The following C3orf70 variants were observed in gnomAD, a reference collection of about 807,000 sequenced individuals.
C3orf70 encodes the protein chromosome 3 open reading frame 70, also known as UPF0524 protein C3orf70.
Under a neutral mutation model 20.7 loss-of-function variants are expected in C3orf70, and 15 were observed. The observed-to-expected ratio is 0.72, with a 90% CI of 0.48 to 1.11. C3orf70 has a LOEUF of 1.11. Ranked by LOEUF, C3orf70 falls within the 50% of genes most tolerant of loss-of-function variation. C3orf70 has a pLI of 0.00. For missense variants in C3orf70, 332 were observed against 317.6 expected, an observed-to-expected ratio of 1.05 and a Z score of -0.34; for synonymous variants, 161 against 125.7, an observed-to-expected ratio of 1.28 and a Z score of -1.88.
intron 1 of C3orf70, among the ~76,000 whole-genome samples, chr3:185,130,464 T>C (rs1442370425): frequency 1.3e-5 from 2 of 152,204 alleles, no homozygotes; most frequent in East Asian, 1.9e-4. Context: ...TTTTTATTAG[T>C]ATGACCCACA....
chr3:185,118,920 T>A (rs1432809586), intron 1 of C3orf70, among the ~76,000 whole-genome samples: 1 of 152,198 alleles, frequency 6.6e-6, no homozygotes, highest in Non-Finnish European at 1.5e-5. Flanking sequence ...AAACTCCCCC[T>A]GCAAATTACT....
intron 1 of C3orf70, among the ~76,000 whole-genome samples, chr3:185,103,563 T>C (rs1033795572): frequency 1.3e-4 from 20 of 151,562 alleles, no homozygotes; most frequent in Non-Finnish European, 2.6e-4. Context: ...AAAGAAGTCA[T>C]ACACGCAGCC....
rs1040490073 is a variant in C3orf70 at position 185,152,841 on chromosome 3, G to A, written c.-18C>T. 8.6e-6 allele frequency: 13 copies of A among 1,513,808 alleles called. No homozygotes were observed. Among genetic ancestry groups the A allele is most frequent in the Middle Eastern group, 1.9e-4 (1 of 5,284 alleles). 93.8% of individuals were successfully genotyped at this position (1,513,808 alleles called of 1,614,324 possible). A position where few individuals can be genotyped will look rare whatever the true frequency, so the allele number is the denominator to read the frequency against. ...GCACTCATTTCCTCTCCCTCCGCGC[G>A]GAGCCGACACCGGGAGCCCGGGAGA... On this transcript the variant is annotated 5_prime_UTR_variant, in exon 1 of 2. Transcript: ENST00000335012.
Position 185,083,016 on chromosome 3 carries a change from C to G in C3orf70, c.744G>C (p.Thr248=), listed in dbSNP as rs542880085. Residue 248 remains threonine (T), a synonymous_variant, in exon 2 of 2, where the codon ACG becomes ACC. Coordinates refer to ENST00000335012, the MANE Select transcript of C3orf70 (RefSeq NM_001025266.3). The part of the protein sequence containing the change: ...SDLEVIETIE[T]TV ...CTTCCTGTCTGGACTCTCACACAGT[C>G]GTTTCTATCGTTTCAATCACTTCCA... The G allele has an allele frequency of 1.2e-6, 2 of 1,613,168 alleles. No individual in the cohort carries two copies. The highest frequency in any genetic ancestry group is 1.7e-6 in the Non-Finnish European group (2 of 1,179,530).
chr3:185,096,778 C>G (rs916121605), intron 1 of C3orf70, among the ~76,000 whole-genome samples: 2 of 152,178 alleles, frequency 1.3e-5, no homozygotes, highest in African/African-American at 4.8e-5. Flanking sequence ...AACCAATATT[C>G]TGAAGACCTC....
rs957769431 is a variant in C3orf70, at chr3:185,078,540, G to A, written c.*4467C>T. On this transcript the variant is annotated 3_prime_UTR_variant, in exon 2 of 2. Coordinates refer to ENST00000335012, the MANE Select transcript of C3orf70 (RefSeq NM_001025266.3). ...TGATGTGAGAGACACTGATATCCGG[G>A]AACTTACAGCACTGACCACGTGTGT... 2 of 152,130 alleles carry A rather than the reference G, an allele frequency of 1.3e-5. No homozygotes were observed. The highest frequency in any genetic ancestry group is 2.4e-5 in the African/African-American group (1 of 41,402). The allele number at this position is 152,130 out of a possible 1,614,324, so 9.4% of individuals were successfully genotyped here. A position where few individuals can be genotyped will look rare whatever the true frequency, so the allele number is the denominator to read the frequency against.
Position 185,081,787 on chromosome 3 carries a change from A to G in C3orf70, c.*1220T>C, listed in dbSNP as rs1057336981. ...GGAAAGTGAATGGCTATTACACTGG[A>G]TATTTTCTCCTGACTTAGCAGCAAA... On this transcript the variant is annotated 3_prime_UTR_variant, in exon 2 of 2. Coordinates refer to ENST00000335012, the MANE Select transcript of C3orf70 (RefSeq NM_001025266.3). 1 of 152,666 alleles carries G rather than the reference A, an allele frequency of 6.6e-6. No individual in the cohort carries two copies. The highest frequency in any genetic ancestry group is 1.5e-5 in the Non-Finnish European group (1 of 68,040). 9.5% of individuals were successfully genotyped at this position (152,666 alleles called of 1,614,324 possible).
chr3:185,151,076 A>G (rs6444033), intron 1 of C3orf70, among the ~76,000 whole-genome samples: 150,537 of 152,334 alleles, frequency 0.99, 74,389 homozygotes, highest in East Asian at 1. Context: ...AAAAGGATTC[A>G]ATTGTTCTAT....
intron 1 of C3orf70, among the ~76,000 whole-genome samples, chr3:185,086,366 C>A (rs1407406946): frequency 5.9e-5 from 9 of 152,140 alleles, no homozygotes; most frequent in African/African-American, 1.9e-4. Context: ...AAACCCTAAT[C>A]CCCAGTGTGA....
At chr3:185,145,804 A>G (rs1034971169) in intron 1 of C3orf70, among the ~76,000 whole-genome samples, 1 of 152,234 alleles carries the variant, frequency 6.6e-6, no homozygotes, top group Non-Finnish European at 1.5e-5. Flanking sequence ...AAATGAGCAA[A>G]CACATACGAA....
At chr3:185,146,477 G>A (rs1189594490) in intron 1 of C3orf70, among the ~76,000 whole-genome samples, 3 of 151,660 alleles carry the variant, frequency 2.0e-5, no homozygotes, top group African/African-American at 4.8e-5. Flanking sequence ...TAGTAGAGAC[G>A]GGGTTTCTCC....
chr3:185,077,714 A>G lies in C3orf70; in HGVS notation c.*5293T>C, dbSNP rs1715225484. On this transcript the variant is annotated 3_prime_UTR_variant, in exon 2 of 2. Coordinates refer to ENST00000335012, the MANE Select transcript of C3orf70 (RefSeq NM_001025266.3). ...ATCTTCAGTTAGAACTGCAGCCAACACTGCCCCACATGACACGTGTAAGCC... is the reference window on the plus strand; with the variant it reads ...ATCTTCAGTTAGAACTGCAGCCAACGCTGCCCCACATGACACGTGTAAGCC... Among the ~76,000 whole-genome samples, 1 of 144,950 alleles carries G rather than the reference A, an allele frequency of 6.9e-6. No homozygotes were observed. The highest frequency in any genetic ancestry group is 1.5e-5 in the Non-Finnish European group (1 of 66,858).
intron 1 of C3orf70, among the ~76,000 whole-genome samples, chr3:185,091,964 T>TG (rs1561331190): frequency 1.6e-4 from 1 of 6,294 alleles, no homozygotes; most frequent in Non-Finnish European, 2.7e-4. Context: ...TATATATATA[T>TG]TTTTTTTTTT....
rs1270530339 is a variant in C3orf70, at chr3:185,093,247, C to T, written c.197-9684G>A. Among the ~76,000 whole-genome samples the T allele has an allele frequency of 4.6e-5, 7 of 152,186 alleles. No individual in the cohort carries two copies. The South Asian group carries it at 1.4e-3, about 32-fold the overall frequency. On this transcript the variant is annotated intron_variant, in intron 1 of 1. Transcript: ENST00000335012. ...TTTACCAACAGATGTCTACAAGCTACACTGCTCCAGGCCACACTCTGACAC... is the reference window on the plus strand; with the variant it reads ...TTTACCAACAGATGTCTACAAGCTATACTGCTCCAGGCCACACTCTGACAC...
chr3:185,139,708 G>A (rs940414328), intron 1 of C3orf70, among the ~76,000 whole-genome samples: 1 of 151,966 alleles, frequency 6.6e-6, no homozygotes, highest in African/African-American at 2.4e-5. Context: ...TTTGACAAGG[G>A]TACAACAGCA....
chr3:185,130,502 T>A (rs186720868), intron 1 of C3orf70, among the ~76,000 whole-genome samples: 52 of 152,316 alleles, frequency 3.4e-4, no homozygotes, highest in Non-Finnish European at 2.1e-4. Context: ...TTTAAAAGTA[T>A]ATACTCAGTG....
intron 1 of C3orf70, among the ~76,000 whole-genome samples, chr3:185,111,652 T>C (rs918999595): frequency 2.0e-5 from 3 of 152,154 alleles, no homozygotes; most frequent in African/African-American, 7.2e-5. Context: ...GGGAAAACTA[T>C]TTTGAAAAAC....
Position 185,077,336 on chromosome 3 carries a change from C to T in C3orf70, c.*5671G>A, listed in dbSNP as rs891908246. Among the ~76,000 whole-genome samples, 1 of 152,074 alleles carries T rather than the reference C, an allele frequency of 6.6e-6. No individual in the cohort carries two copies. Among genetic ancestry groups the T allele is most frequent in the African/African-American group, 2.4e-5 (1 of 41,410 alleles). On this transcript the variant is annotated 3_prime_UTR_variant, in exon 2 of 2. Coordinates refer to ENST00000335012, the MANE Select transcript of C3orf70 (RefSeq NM_001025266.3). ...TAGAGCCAAAGTGACCGGGTTCAAACCCTGACTGCCACTCATGTACGAGCT... is the reference window on the plus strand; with the variant it reads ...TAGAGCCAAAGTGACCGGGTTCAAATCCTGACTGCCACTCATGTACGAGCT...
intron 1 of C3orf70, among the ~76,000 whole-genome samples, chr3:185,092,817 C>G (rs545371636): frequency 1.3e-5 from 2 of 152,016 alleles, no homozygotes; most frequent in African/African-American, 4.8e-5. Flanking sequence ...ATGGTGAAAC[C>G]CCGTCTGTGC....
Sources: allele counts gnomAD v4.1 joint callset (sites outside exome capture counted in the v4.1 genomes callset), GRCh38; gene constraint gnomAD v4.1.1; transcripts MANE v1.5; gene names NCBI Gene and HGNC (gene_info 2026-07-23, HGNC 2026-07-21).